Variants in THSD7B observed in about 807,000 individuals in gnomAD.
The protein encoded by THSD7B is thrombospondin type-1 domain-containing protein 7B.
Under a neutral mutation model 213.6 loss-of-function variants are expected in THSD7B, and 138 were observed. That is an observed-to-expected ratio of 0.65 (90% CI 0.56 to 0.74). The LOEUF (loss-of-function observed/expected upper bound fraction) is 0.74. THSD7B is among the 30% of genes least tolerant of loss of function. The pLI is 0.00. For synonymous variants in THSD7B, 742 were observed against 687.0 expected (o/e 1.08, Z -1.25); for missense variants, 1,931 against 1,991.5 (o/e 0.97, Z 0.58).
At chr2:136,890,262 C>T (rs758962255) in intron 2 of THSD7B, among the ~76,000 whole-genome samples, 1 of 146,706 alleles carries the variant, frequency 6.8e-6, no homozygotes, top group Non-Finnish European at 1.5e-5. Context: ...TAGGATATTT[C>T]GATTGGTGTA....
rs1173556870 is a variant in THSD7B at position 137,179,748 on chromosome 2, TA to T, written c.1723+8811del. Among the ~76,000 whole-genome samples, 4 of 152,196 alleles carry T rather than the reference TA, an allele frequency of 2.6e-5. No individual in the cohort carries two copies. In the East Asian group the frequency reaches 7.7e-4, roughly 29 times the overall value. On this transcript the variant is annotated intron_variant, in intron 7 of 27. Transcript: ENST00000409968. Reference sequence around the variant, plus strand: ...TAACCTTTTGTGCTCTGAAATTCCATAGCTCATAATCAGTGCTCCTTTACCT... The same window carrying T: ...TAACCTTTTGTGCTCTGAAATTCCATGCTCATAATCAGTGCTCCTTTACCT...
At chr2:137,136,895 T>C (rs1573846138) in intron 5 of THSD7B, among the ~76,000 whole-genome samples, 1 of 152,234 alleles carries the variant, frequency 6.6e-6, no homozygotes, top group Admixed American at 6.5e-5. Context: ...TTATTGACTA[T>C]GTATTGCCAT....
intron 12 of THSD7B, among the ~76,000 whole-genome samples, chr2:137,326,518 A>C (rs1684378276): frequency 6.6e-6 from 1 of 152,218 alleles, no homozygotes; most frequent in South Asian, 2.1e-4. Context: ...AAAGCCACTT[A>C]GATTCCTAAA....
intron 12 of THSD7B, among the ~76,000 whole-genome samples, chr2:137,317,779 A>G (rs2104874332): frequency 6.6e-6 from 1 of 152,258 alleles, no homozygotes; most frequent in African/African-American, 2.4e-5. Context: ...TGAGCTGGGC[A>G]TGGTGGCGCA....
At chr2:137,071,015 A>C (rs1427068692) in intron 3 of THSD7B, among the ~76,000 whole-genome samples, 1 of 152,204 alleles carries the variant, frequency 6.6e-6, no homozygotes, top group Non-Finnish European at 1.5e-5. Context: ...TAGTGCCGCT[A>C]TAAACATACG....
chr2:136,946,318 A>G (rs1684936755), intron 2 of THSD7B, among the ~76,000 whole-genome samples: 1 of 152,068 alleles, frequency 6.6e-6, no homozygotes, highest in Non-Finnish European at 1.5e-5. Context: ...ATGTTGCAGA[A>G]CAACAAATAT....
At chr2:136,915,743 A>G (rs1573708307) in intron 2 of THSD7B, among the ~76,000 whole-genome samples, 1 of 152,202 alleles carries the variant, frequency 6.6e-6, no homozygotes, top group East Asian at 1.9e-4. Context: ...GCCAAGGTTC[A>G]AACCCACTCT....
rs1399556369 is a variant in THSD7B at position 136,850,263 on chromosome 2, ATTAT to A, written c.-35-31876_-35-31873del. Among the ~76,000 whole-genome samples the A allele has an allele frequency of 2.0e-5, 3 of 151,648 alleles. No individual in the cohort carries two copies. The East Asian group carries it at 5.8e-4, about 29-fold the overall frequency. On this transcript the variant is annotated intron_variant, in intron 1 of 27. Coordinates refer to ENST00000409968, the MANE Select transcript of THSD7B (RefSeq NM_001316349.2). Reference sequence around the variant, plus strand: ...TGCTGCATTGTATGAGTACATTAAAATTATTTATCCATTCTTTTCTGAATGGTTT... The same window carrying A: ...TGCTGCATTGTATGAGTACATTAAAATTATCCATTCTTTTCTGAATGGTTT...
intron 15 of THSD7B, among the ~76,000 whole-genome samples, chr2:137,501,293 C>G (rs1416587579): frequency 6.6e-6 from 1 of 151,874 alleles, no homozygotes; most frequent in Non-Finnish European, 1.5e-5. Flanking sequence ...GCAAAATTAC[C>G]TCTTTTAATA....
At chr2:136,941,605 G>A (rs535635547) in intron 2 of THSD7B, among the ~76,000 whole-genome samples, 5 of 152,238 alleles carry the variant, frequency 3.3e-5, no homozygotes, top group African/African-American at 4.8e-5. Flanking sequence ...TCTGGTGACC[G>A]GTGATGATGA....
At chr2:137,399,025 G>T (rs1215796609) in intron 12 of THSD7B, among the ~76,000 whole-genome samples, 1 of 151,944 alleles carries the variant, frequency 6.6e-6, no homozygotes, top group East Asian at 1.9e-4. Flanking sequence ...GCTTCGGCTC[G>T]CGCACGGTGC....
At chr2:137,165,948 A>G (rs34954245) in intron 6 of THSD7B, among the ~76,000 whole-genome samples, 7,032 of 152,228 alleles carry the variant, frequency 0.046, 201 homozygotes, top group Admixed American at 0.069. Flanking sequence ...TCCTTTGTTC[A>G]CATTAAGAAA....
Position 136,952,650 on chromosome 2 carries a change from A to G in THSD7B, c.139+70333A>G, listed in dbSNP as rs1007735055. The stretch of plus-strand genomic sequence containing the variant: ...GGTATGTAACTTGCATGCTATACCA[A>G]CACTTCTAAAGAGGTTCTCAAAGAA... On this transcript the variant is annotated intron_variant, in intron 2 of 27. Coordinates refer to ENST00000409968, the MANE Select transcript of THSD7B (RefSeq NM_001316349.2). 2.0e-4 allele frequency among the ~76,000 whole-genome samples: 30 copies of G among 152,218 alleles called. 1 individual carries two copies. Among genetic ancestry groups the G allele is most frequent in the Admixed American group, 1.7e-3 (26 of 15,284 alleles).
At chr2:137,058,603 A>G (rs901780808) in intron 3 of THSD7B, among the ~76,000 whole-genome samples, 9 of 152,314 alleles carry the variant, frequency 5.9e-5, no homozygotes, top group African/African-American at 1.9e-4. Context: ...ATAAACAAAC[A>G]TTTCATAGTT....
chr2:137,008,001 G>C (rs901327094), intron 2 of THSD7B, among the ~76,000 whole-genome samples: 1 of 152,064 alleles, frequency 6.6e-6, no homozygotes, highest in Non-Finnish European at 1.5e-5. Context: ...AGTTGAGGGG[G>C]TCAGCTATCC....
At chr2:136,861,409 A>G (rs750462391) in intron 1 of THSD7B, among the ~76,000 whole-genome samples, 5 of 152,222 alleles carry the variant, frequency 3.3e-5, no homozygotes, top group African/African-American at 7.2e-5. Context: ...GGTGCTTAAG[A>G]TATTTTGTCT....
At chr2:136,976,313 A>G (rs538018) in intron 2 of THSD7B, among the ~76,000 whole-genome samples, 150,127 of 152,316 alleles carry the variant, frequency 0.99, 74,027 homozygotes, top group Middle Eastern at 1. Flanking sequence ...GTTTGTCATA[A>G]ATGAATCTTA....
chr2:137,294,555 C>A (rs1020512411), intron 12 of THSD7B, among the ~76,000 whole-genome samples: 53 of 137,184 alleles, frequency 3.9e-4, no homozygotes, highest in African/African-American at 1.5e-3. Context: ...TGTACTCCAG[C>A]CTGGGTGAAA....
intron 17 of THSD7B, among the ~76,000 whole-genome samples, chr2:137,575,725 C>CACATATATATATATATATAT (rs59620213): frequency 9.0e-6 from 1 of 110,816 alleles, no homozygotes; most frequent in Non-Finnish European, 2.0e-5. Context: ...CCATAACACA[C>CACATATATATATATATATAT]ATATATATAT....
Sources: allele counts gnomAD v4.1 joint callset (sites outside exome capture counted in the v4.1 genomes callset), GRCh38; gene constraint gnomAD v4.1.1; transcripts MANE v1.5; gene names NCBI Gene and HGNC (gene_info 2026-07-23, HGNC 2026-07-21).